CCSER2: variants seen among roughly 807,000 people sequenced by gnomAD.
The protein encoded by CCSER2 is serine-rich coiled-coil domain-containing protein 2.
A neutral mutation model predicts 92.3 loss-of-function variants in CCSER2; 46 were observed. That is an observed-to-expected ratio of 0.50 (90% CI 0.39 to 0.64). CCSER2 has a LOEUF of 0.64. Ranked by LOEUF, CCSER2 falls within the 30% of genes least tolerant of loss-of-function variation. The pLI is 0.00. For synonymous variants in CCSER2, 433 were observed against 431.4 expected, an observed-to-expected ratio of 1.00 and a Z score of -0.04; for missense variants, 1,244 against 1,238.9, an observed-to-expected ratio of 1.00 and a Z score of -0.06.
At chr10:84,418,363 A>G (rs886897500) in intron 4 of CCSER2, among the ~76,000 whole-genome samples, 1 of 152,130 alleles carries the variant, frequency 6.6e-6, no homozygotes, top group African/African-American at 2.4e-5. Flanking sequence ...GTGAGGCTTT[A>G]GGTAATCCAT....
At chr10:84,367,054 T>C (rs1845810120) in intron 1 of CCSER2, among the ~76,000 whole-genome samples, 1 of 152,210 alleles carries the variant, frequency 6.6e-6, no homozygotes, top group South Asian at 2.1e-4. Flanking sequence ...ATCCAGTTAT[T>C]TCCTTTGTAT....
At chr10:84,406,280 A>G (rs926045562) in intron 3 of CCSER2, among the ~76,000 whole-genome samples, 4 of 152,212 alleles carry the variant, frequency 2.6e-5, no homozygotes, top group African/African-American at 7.2e-5. Flanking sequence ...GGGTGTAACT[A>G]TAACTGGATA....
At chr10:84,394,385 A>ATG (rs60891669) in intron 3 of CCSER2, among the ~76,000 whole-genome samples, 6,723 of 132,532 alleles carry the variant, frequency 0.051, 255 homozygotes, top group African/African-American at 0.14. Context: ...AAAGGAAAGT[A>ATG]TGTGTGTGTG....
intron 8 of CCSER2, among the ~76,000 whole-genome samples, chr10:84,476,612 T>A (rs1239296983): frequency 1.3e-5 from 2 of 151,642 alleles, no homozygotes; most frequent in Non-Finnish European, 2.9e-5. Flanking sequence ...TCCGGCAAAT[T>A]TTTTGTATTT....
chr10:84,488,382 G>A (rs1161789591), intron 9 of CCSER2, among the ~76,000 whole-genome samples: 1 of 152,178 alleles, frequency 6.6e-6, no homozygotes, highest in South Asian at 2.1e-4. Flanking sequence ...GACTTTTTTT[G>A]TTTGGTAGGC....
chr10:84,426,997 T>C (rs1843470253), intron 5 of CCSER2, among the ~76,000 whole-genome samples: 1 of 152,220 alleles, frequency 6.6e-6, no homozygotes, highest in Admixed American at 6.5e-5. Context: ...GTGGACTCAA[T>C]TGTGCTTTTG....
At chr10:84,398,257 T>C (rs968740105) in intron 3 of CCSER2, among the ~76,000 whole-genome samples, 1 of 152,224 alleles carries the variant, frequency 6.6e-6, no homozygotes, top group Admixed American at 6.5e-5. Flanking sequence ...TCCTTCTGTC[T>C]GTCTTCTGCC....
At chr10:84,452,851 G>A (rs1845378858) in intron 6 of CCSER2, among the ~76,000 whole-genome samples, 1 of 151,564 alleles carries the variant, frequency 6.6e-6, no homozygotes. Context: ...CCCACCAAAT[G>A]TTTCCTAATT....
intron 3 of CCSER2, among the ~76,000 whole-genome samples, chr10:84,409,015 GTCTC>G (rs1204702233): frequency 1.3e-5 from 2 of 151,898 alleles, no homozygotes; most frequent in Non-Finnish European, 2.9e-5. Flanking sequence ...TTTTGAGACA[GTCTC>G]TCTCTCTGTT....
intron 9 of CCSER2, among the ~76,000 whole-genome samples, chr10:84,509,453 A>G (rs911699444): frequency 6.6e-6 from 1 of 152,228 alleles, no homozygotes; most frequent in Non-Finnish European, 1.5e-5. Flanking sequence ...GCAGCCTAAA[A>G]TAGACATTTA....
chr10:84,455,871 C>T (rs527502093), intron 6 of CCSER2: 2 of 723,726 alleles, frequency 2.8e-6, no homozygotes, highest in East Asian at 2.7e-5. Flanking sequence ...GCAACCACAG[C>T]ATCTGGCTTT....
intron 9 of CCSER2, among the ~76,000 whole-genome samples, chr10:84,486,453 G>A (rs1325891325): frequency 3.9e-5 from 6 of 152,290 alleles, no homozygotes; most frequent in Admixed American, 6.5e-5. Context: ...GTGTGAGATG[G>A]TATCTCATTG....
chr10:84,486,783 A>G (rs1847834645), intron 9 of CCSER2, among the ~76,000 whole-genome samples: 1 of 152,102 alleles, frequency 6.6e-6, no homozygotes, highest in South Asian at 2.1e-4. Context: ...TTTTATTGCC[A>G]TTGCTTTTGG....
intron 1 of CCSER2, among the ~76,000 whole-genome samples, chr10:84,338,291 T>TA (rs77000035): frequency 2.6e-4 from 28 of 108,858 alleles, no homozygotes; most frequent in South Asian, 1.7e-3. Flanking sequence ...AAGAAAAACT[T>TA]AAAAAAAAAA....
At chr10:84,499,022 A>G (rs1431306504) in intron 9 of CCSER2, among the ~76,000 whole-genome samples, 2 of 152,254 alleles carry the variant, frequency 1.3e-5, no homozygotes, top group Admixed American at 6.5e-5. Flanking sequence ...CCAGTGGCCT[A>G]CATGTCACAT....
chr10:84,351,543 T>C (rs1052076918), intron 1 of CCSER2, among the ~76,000 whole-genome samples: 1 of 152,154 alleles, frequency 6.6e-6, no homozygotes, highest in Non-Finnish European at 1.5e-5. Context: ...TGGCTTTATT[T>C]ATTTATTTAA....
At chr10:84,386,609 T>C (rs1157212159) in intron 3 of CCSER2, among the ~76,000 whole-genome samples, 1 of 152,104 alleles carries the variant, frequency 6.6e-6, no homozygotes, top group Non-Finnish European at 1.5e-5. Context: ...ATCCCAGCTA[T>C]TCGGGAGGCT....
intron 6 of CCSER2, among the ~76,000 whole-genome samples, chr10:84,441,588 T>C (rs1844538726): frequency 6.6e-6 from 1 of 152,174 alleles, no homozygotes; most frequent in Non-Finnish European, 1.5e-5. Context: ...GCCTGTCAAC[T>C]GGCTGGTTTT....
At chr10:84,409,238 G>A (rs1484199480) in intron 3 of CCSER2, among the ~76,000 whole-genome samples, 17 of 152,050 alleles carry the variant, frequency 1.1e-4, no homozygotes, top group African/African-American at 2.7e-4. Context: ...TGATCTGCCC[G>A]CCGTGGCCTC....
Sources: allele counts gnomAD v4.1 joint callset (sites outside exome capture counted in the v4.1 genomes callset), GRCh38; gene constraint gnomAD v4.1.1; transcripts MANE v1.5; gene names NCBI Gene and HGNC (gene_info 2026-07-23, HGNC 2026-07-21).